The following FRMD4A variants were observed in gnomAD, a reference collection of about 807,000 sequenced individuals.
FRMD4A encodes the protein FERM domain-containing protein 4A.
A neutral mutation model predicts 129.1 loss-of-function variants in FRMD4A; 29 were observed. The observed-to-expected ratio is 0.22, with a 90% CI of 0.17 to 0.31. The LOEUF is 0.31. Among genes scored for constraint, FRMD4A ranks in the 10% least tolerant of loss-of-function variants. The pLI, the probability that FRMD4A is intolerant of heterozygous loss-of-function variation, is 1.00. For missense variants in FRMD4A, 1,272 were observed against 1,375.8 expected (o/e 0.92, Z 1.19); for synonymous variants, 634 against 571.6 (o/e 1.11, Z -1.56).
intron 2 of FRMD4A, among the ~76,000 whole-genome samples, chr10:14,093,424 TC>T (rs957966186): frequency 6.6e-6 from 1 of 152,174 alleles, no homozygotes; most frequent in Non-Finnish European, 1.5e-5. Flanking sequence ...AAAGGGTTCT[TC>T]CTGGTTGAGA....
At chr10:14,000,668 A>AAAAAAAAAG (rs1555009702) in intron 2 of FRMD4A, among the ~76,000 whole-genome samples, 14 of 74,622 alleles carry the variant, frequency 1.9e-4, no homozygotes, top group Admixed American at 2.8e-4. Context: ...AAAAAAAAAA[A>AAAAAAAAAG]GAGAAGAAAG....
At chr10:14,119,468 A>C (rs1354798128) in intron 2 of FRMD4A, among the ~76,000 whole-genome samples, 3 of 152,184 alleles carry the variant, frequency 2.0e-5, no homozygotes, top group Non-Finnish European at 4.4e-5. Context: ...TTCATCTAGG[A>C]ATGAAGCCTG....
intron 2 of FRMD4A, among the ~76,000 whole-genome samples, chr10:14,117,853 C>T (rs1286218032): frequency 1.3e-5 from 2 of 152,052 alleles, no homozygotes; most frequent in African/African-American, 2.4e-5. Flanking sequence ...CCAAGAAGAA[C>T]TGAATTGCAG....
chr10:14,245,132 C>A (rs1032655957), intron 2 of FRMD4A, among the ~76,000 whole-genome samples: 8 of 152,172 alleles, frequency 5.3e-5, no homozygotes, highest in Non-Finnish European at 8.8e-5. Context: ...ATGGACATTG[C>A]ACAACCACAC....
chr10:13,761,017 A>G (rs1293860491), intron 8 of FRMD4A, among the ~76,000 whole-genome samples: 1 of 152,164 alleles, frequency 6.6e-6, no homozygotes, highest in African/African-American at 2.4e-5. Flanking sequence ...GGGCGATTTC[A>G]GGGCAATTTC....
At position 13,656,836 on chromosome 10, in the gene FRMD4A, C is replaced by T. The variant is rs142082242; in HGVS notation, c.2753G>A (p.Gly918Asp). The T allele has an allele frequency of 5.9e-6, 9 of 1,532,052 alleles. No individual in the cohort carries two copies. The East Asian group carries it at 2.1e-4, about 35-fold the overall frequency. The allele number at this position is 1,532,052 out of a possible 1,614,324, so 94.9% of individuals were successfully genotyped here. Reference protein sequence around the residue: ...SLGREGAHDKGAGRAAVSDEL... With the variant: ...SLGREGAHDKDAGRAAVSDEL... ...GTCTGAGACGGCGGCACGGCCCGCG[C>T]CCTTGTCGTGGGCGCCCTCGCGGCC... is the stretch of plus-strand genomic sequence containing the variant. Residue 918 changes from glycine to aspartate, a missense_variant, in exon 22 of 25, where the codon GGC (glycine) becomes GAC (aspartate). Physicochemically the swap from Gly to Asp is moderately conservative, Grantham distance 94. Around this residue, in one of 2 missense-constraint regions of FRMD4A, gnomAD observed 972 missense variants for 892.3 expected, o/e 1.09. Coordinates refer to ENST00000357447, the MANE Select transcript of FRMD4A (RefSeq NM_018027.5).
At chr10:14,037,170 C>T (rs775533673) in intron 2 of FRMD4A, among the ~76,000 whole-genome samples, 1 of 152,204 alleles carries the variant, frequency 6.6e-6, no homozygotes, top group Admixed American at 6.5e-5. Flanking sequence ...CGTGTCCACA[C>T]ACAAACACAC....
At chr10:14,082,609 C>T (rs1835993039) in intron 2 of FRMD4A, among the ~76,000 whole-genome samples, 1 of 152,156 alleles carries the variant, frequency 6.6e-6, no homozygotes. Context: ...GAGGCCCCAG[C>T]ACTGAAGTTG....
chr10:13,799,323 A>AT (rs1242011603), intron 4 of FRMD4A, among the ~76,000 whole-genome samples: 3 of 151,912 alleles, frequency 2.0e-5, no homozygotes, highest in African/African-American at 7.3e-5. Context: ...ATGCCCAGCT[A>AT]TTTTTTTGTA....
chr10:13,780,928 T>G (rs1249715702), intron 6 of FRMD4A, among the ~76,000 whole-genome samples: 1 of 152,256 alleles, frequency 6.6e-6, no homozygotes. Flanking sequence ...CAAAAGGTTT[T>G]GGAAATAACC....
chr10:13,808,666 C>A (rs1477928666), intron 4 of FRMD4A, among the ~76,000 whole-genome samples: 1 of 152,232 alleles, frequency 6.6e-6, no homozygotes, highest in Non-Finnish European at 1.5e-5. Flanking sequence ...TCTTCACCTC[C>A]TCTGGGCTCC....
At chr10:14,068,801 C>T (rs1835182434) in intron 2 of FRMD4A, among the ~76,000 whole-genome samples, 1 of 151,878 alleles carries the variant, frequency 6.6e-6, no homozygotes, top group African/African-American at 2.4e-5. Context: ...TTGTTTTTTT[C>T]CACTTAGGCT....
intron 2 of FRMD4A, among the ~76,000 whole-genome samples, chr10:14,208,916 G>A (rs531743410): frequency 1.3e-5 from 2 of 152,158 alleles, no homozygotes; most frequent in African/African-American, 4.8e-5. Flanking sequence ...AAACTCTCCT[G>A]TGGTCTTCAG....
At chr10:13,790,840 G>C (rs757677571) in intron 5 of FRMD4A, among the ~76,000 whole-genome samples, 2 of 152,168 alleles carry the variant, frequency 1.3e-5, no homozygotes, top group Non-Finnish European at 2.9e-5. Flanking sequence ...GCACTGGCTG[G>C]AGGAGGCTGT....
intron 2 of FRMD4A, among the ~76,000 whole-genome samples, chr10:14,288,007 A>C (rs1564442192): frequency 6.6e-6 from 1 of 152,106 alleles, no homozygotes; most frequent in Non-Finnish European, 1.5e-5. Context: ...CTTCATTTAC[A>C]GAGGAAATTG....
At chr10:14,268,960 C>T (rs994943536) in intron 2 of FRMD4A, among the ~76,000 whole-genome samples, 1 of 152,174 alleles carries the variant, frequency 6.6e-6, no homozygotes, top group Admixed American at 6.5e-5. Flanking sequence ...AAGCGTATGC[C>T]GTTAGGATGA....
At chr10:13,694,199 T>C (rs2085998946) in intron 14 of FRMD4A, among the ~76,000 whole-genome samples, 160 bp from the exon 15 acceptor site, 1 of 152,222 alleles carries the variant, frequency 6.6e-6, no homozygotes. Context: ...GGCCTCATCA[T>C]TAATCACCGA....
chr10:14,316,508 C>CAAAAA lies in FRMD4A; in HGVS notation c.45+13545_45+13549dup, dbSNP rs760301974. Among the ~76,000 whole-genome samples, 109 of 109,756 alleles carry CAAAAA rather than the reference C, an allele frequency of 9.9e-4. 2 individuals are homozygous for CAAAAA. Among genetic ancestry groups the CAAAAA allele is most frequent in the South Asian group, 1.1e-3 (3 of 2,792 alleles). The allele number at this position is 109,756 out of a possible 152,430, so 72.0% of individuals were successfully genotyped here. On this transcript the variant is annotated intron_variant, in intron 2 of 24. Coordinates refer to ENST00000357447, the MANE Select transcript of FRMD4A (RefSeq NM_018027.5). ...AGTCTCTAGTATTTTGTGATAGCAG[C>CAAAAA]AAAAAAAAAAAAAAAAAAGAAGAAG...
At chr10:14,062,403 G>A (rs1211276722) in intron 2 of FRMD4A, among the ~76,000 whole-genome samples, 1 of 152,146 alleles carries the variant, frequency 6.6e-6, no homozygotes, top group Non-Finnish European at 1.5e-5. Context: ...CCATGGACGT[G>A]TAGAAAGGAA....
Sources: gnomAD v4.1 joint callset for allele counts (sites outside exome capture counted in the v4.1 genomes callset) on GRCh38, gnomAD v4.1.1 for gene constraint, gnomAD v4.1.1 regional missense constraint, MANE v1.5 for transcripts, NCBI Gene and HGNC (gene_info 2026-07-23, HGNC 2026-07-21) for gene names.